Variants in PCDHGA1 observed in about 807,000 individuals in gnomAD.
The protein encoded by PCDHGA1 is protocadherin gamma-A1.
In PCDHGA1, 32 loss-of-function variants were observed where a neutral mutation model predicts 58.0. The observed-to-expected ratio is 0.55, with a 90% CI of 0.42 to 0.74. The LOEUF is 0.74. Ranked by LOEUF, PCDHGA1 falls within the 30% of genes least tolerant of loss-of-function variation. The probability of loss-of-function intolerance (pLI) is 0.00; values close to 1 mark genes in which losing one functional copy is unlikely to be tolerated. For synonymous variants in PCDHGA1, 498 were observed against 501.1 expected (o/e 0.99, Z 0.08); for missense variants, 1,205 against 1,182.3 (o/e 1.02, Z -0.28).
At chr5:141,496,799 G>C (rs2099771487) in intron 2 of PCDHGA1, among the ~76,000 whole-genome samples, 1 of 151,912 alleles carries the variant, frequency 6.6e-6, no homozygotes, top group African/African-American at 2.4e-5. Context: ...TAAACATTGG[G>C]CTATAGGAGT....
At chr5:141,408,910 T>A in intron 1 of PCDHGA1, 1 of 1,613,256 alleles carries the variant, frequency 6.2e-7, no homozygotes, top group Non-Finnish European at 8.5e-7. Flanking sequence ...AGGATACCAA[T>A]GATAACCCCC....
chr5:141,463,382 T>C (rs2099057893), intron 1 of PCDHGA1, among the ~76,000 whole-genome samples: 1 of 151,594 alleles, frequency 6.6e-6, no homozygotes, highest in Admixed American at 6.6e-5. Context: ...AGTCTGAAAG[T>C]TGTCTCCAGG....
chr5:141,339,559 G>C, intron 1 of PCDHGA1: 1 of 1,614,168 alleles, frequency 6.2e-7, no homozygotes, highest in Non-Finnish European at 8.5e-7. Flanking sequence ...AACTGGTGCT[G>C]GAGCGCTCTC....
At chr5:141,339,946 G>A (rs774058017) in intron 1 of PCDHGA1, 9 of 1,613,954 alleles carry the variant, frequency 5.6e-6, no homozygotes, top group Middle Eastern at 3.3e-4. Context: ...AGGATGGTCC[G>A]GGCCTTCTAA....
At chr5:141,430,911 A>T (rs544678317) in intron 1 of PCDHGA1, 4 of 1,607,840 alleles carry the variant, frequency 2.5e-6, no homozygotes, top group Non-Finnish European at 3.4e-6. Context: ...ATCTCCAGGG[A>T]CCTGGGGCTG....
At chr5:141,409,933 GGT>G in intron 1 of PCDHGA1, 1 of 1,613,354 alleles carries the variant, frequency 6.2e-7, no homozygotes, top group East Asian at 2.2e-5. Flanking sequence ...TCTTCGATAT[GGT>G]ACCTCGCTCT....
rs370932300 is a variant in PCDHGA1, at chr5:141,459,955, G to A, written c.2422-34852G>A. Among the ~76,000 whole-genome samples, 15 of 152,316 alleles carry A rather than the reference G, an allele frequency of 9.8e-5. No homozygotes were observed. The East Asian group carries it at 2.3e-3, about 24-fold the overall frequency. The stretch of plus-strand genomic sequence containing the variant: ...TAGCTGGGCGTGATGGCAGGTGCCT[G>A]TAATCCCAGCTACTCAGGAGGCTGA... On this transcript the variant is annotated intron_variant, in intron 1 of 3. Coordinates refer to ENST00000517417, the MANE Select transcript of PCDHGA1 (RefSeq NM_018912.3).
chr5:141,366,867 A>G (rs1025500937), intron 1 of PCDHGA1: 18 of 1,412,872 alleles, frequency 1.3e-5, no homozygotes, highest in African/African-American at 2.9e-5. Context: ...TATTTGCTGT[A>G]TTGGAGATTA....
At chr5:141,363,137 AT>A (rs1429876533) in intron 1 of PCDHGA1, among the ~76,000 whole-genome samples, 1 of 152,234 alleles carries the variant, frequency 6.6e-6, no homozygotes, top group Admixed American at 6.5e-5. Context: ...GAAAGAGTGC[AT>A]TTAACAAATG....
At chr5:141,353,929 T>C (rs575617403) in intron 1 of PCDHGA1, among the ~76,000 whole-genome samples, 12 of 152,396 alleles carry the variant, frequency 7.9e-5, no homozygotes, top group African/African-American at 2.9e-4. Context: ...GAGTCATTTC[T>C]ACTGCTAATT....
At chr5:141,410,117 C>T (rs768592770) in intron 1 of PCDHGA1, 6 of 1,612,766 alleles carry the variant, frequency 3.7e-6, no homozygotes, top group Admixed American at 3.3e-5. Context: ...GGACGCAGCC[C>T]GCCAGCGCCT....
chr5:141,366,619 G>C, intron 1 of PCDHGA1: 1 of 1,614,222 alleles, frequency 6.2e-7, no homozygotes, highest in Non-Finnish European at 8.5e-7. Flanking sequence ...CCGCGGACTC[G>C]AGGAAGAGTC....
chr5:141,485,441 A>T lies in PCDHGA1; in HGVS notation c.2422-9366A>T. On this transcript the variant is annotated intron_variant, in intron 1 of 3. Coordinates refer to ENST00000517417, the MANE Select transcript of PCDHGA1 (RefSeq NM_018912.3). The surrounding 1 kb of genome is among the most constrained non-coding windows in gnomAD (Gnocchi z 5.7). ...CGGAGCCCTGCTCATCAAGAACCCA[A>T]TCGACCGAGAGGCACTGTGTGGGCT... is the stretch of plus-strand genomic sequence containing the variant. The T allele has an allele frequency of 6.2e-7, 1 of 1,613,910 alleles. No homozygotes were observed. The highest frequency in any genetic ancestry group is 1.1e-5 in the South Asian group (1 of 91,062).
chr5:141,358,561 A>G (rs940121879), intron 1 of PCDHGA1, among the ~76,000 whole-genome samples: 2 of 152,242 alleles, frequency 1.3e-5, no homozygotes, highest in Admixed American at 1.3e-4. Flanking sequence ...GAGATGCACC[A>G]GAAGTGACTA....
At chr5:141,419,204 G>A (rs1291977951) in intron 1 of PCDHGA1, 1 of 1,613,798 alleles carries the variant, frequency 6.2e-7, no homozygotes, top group Non-Finnish European at 8.5e-7. Flanking sequence ...CAATGACAAC[G>A]CGCCGGTTTT....
rs758417744 is a variant in PCDHGA1, at chr5:141,430,916, G to A, written c.2422-63891G>A. On this transcript the variant is annotated intron_variant, in intron 1 of 3. Coordinates refer to ENST00000517417, the MANE Select transcript of PCDHGA1 (RefSeq NM_018912.3). ...GGTGGGCGACATCTCCAGGGACCTG[G>A]GGCTGGAGCCCCGGGAGCTCGCGGA... The A allele has an allele frequency of 1.9e-6, 3 of 1,607,878 alleles. No individual in the cohort carries two copies. The East Asian group carries it at 6.7e-5, about 36-fold the overall frequency.
chr5:141,476,098 G>A lies in PCDHGA1; in HGVS notation c.2422-18709G>A, dbSNP rs1241353656. The A allele has an allele frequency of 4.5e-6, 7 of 1,573,026 alleles. No homozygotes were observed. Among genetic ancestry groups the A allele is most frequent in the Non-Finnish European group, 6.0e-6 (7 of 1,163,102 alleles). ...AGGGACGATCTGGACCCCGCTGAGA[G>A]GAACTGCTTTTGAGTGAGATGGTCC... On this transcript the variant is annotated intron_variant, in intron 1 of 3. Transcript: ENST00000517417. This position sits in a 1 kb window ranked among gnomAD's most constrained non-coding sequence, Gnocchi z 7.6.
chr5:141,353,548 C>T (rs1759315194), intron 1 of PCDHGA1, among the ~76,000 whole-genome samples: 2 of 152,166 alleles, frequency 1.3e-5, no homozygotes, highest in African/African-American at 4.8e-5. Context: ...AACTTTGAGT[C>T]AATATTATTC....
intron 1 of PCDHGA1, among the ~76,000 whole-genome samples, chr5:141,368,183 A>C (rs1765520676): frequency 6.6e-6 from 1 of 152,202 alleles, no homozygotes; most frequent in South Asian, 2.1e-4. Flanking sequence ...TAATGACTAA[A>C]TAAGGGGAAA....
Sources: gnomAD v4.1 joint callset for allele counts (sites outside exome capture counted in the v4.1 genomes callset) on GRCh38, gnomAD v4.1.1 for gene constraint, Gnocchi (gnomAD v3.1) non-coding constraint, MANE v1.5 for transcripts, NCBI Gene and HGNC (gene_info 2026-07-23, HGNC 2026-07-21) for gene names.